Variants in AXDND1 observed in about 807,000 individuals in gnomAD.
AXDND1 encodes axonemal dynein light chain domain-containing protein 1.
In AXDND1, 110 loss-of-function variants were observed where a neutral mutation model predicts 137.5. The ratio of observed to expected loss-of-function variants is 0.80; its 90% CI spans 0.69 to 0.94. The LOEUF (loss-of-function observed/expected upper bound fraction) is 0.94, where lower values mean the gene tolerates loss of function less well. AXDND1 is among the 40% of genes least tolerant of loss of function. AXDND1 has a pLI of 0.00. For missense variants in AXDND1, 1,191 were observed against 1,169.8 expected (o/e 1.02, Z -0.26); for synonymous variants, 414 against 399.7 (o/e 1.04, Z -0.43).
intron 17 of AXDND1, among the ~76,000 whole-genome samples, chr1:179,482,556 C>A (rs1031497146): frequency 6.6e-6 from 1 of 152,078 alleles, no homozygotes; most frequent in Non-Finnish European, 1.5e-5. Context: ...GTTGCTGCCT[C>A]ACTGAGCTAA....
intron 21 of AXDND1, among the ~76,000 whole-genome samples, chr1:179,521,464 A>G (rs1184728209): frequency 6.6e-6 from 1 of 152,048 alleles, no homozygotes; most frequent in Non-Finnish European, 1.5e-5. Flanking sequence ...TTTTTTAATT[A>G]TATTGAATAA....
At chr1:179,392,043 G>A (rs4297245) in intron 9 of AXDND1, among the ~76,000 whole-genome samples, 115,296 of 152,092 alleles carry the variant, frequency 0.76, 43,939 homozygotes, top group Admixed American at 0.81. Context: ...TCCTTATAGC[G>A]CTGTGAGAAT....
In AXDND1 at chr1:179,479,475, C is replaced by CAAAA. The variant is rs55719902; in HGVS notation, c.1998-3643_1998-3640dup. On this transcript the variant is annotated intron_variant, in intron 17 of 25. Coordinates refer to ENST00000367618, the MANE Select transcript of AXDND1 (RefSeq NM_144696.6). ...GAGCAACAAGAGCGAAACTCTGTCTCAAAAAAAAAAAAAGGAAAAAGGCTG... is the reference window on the plus strand; with the variant it reads ...GAGCAACAAGAGCGAAACTCTGTCTCAAAAAAAAAAAAAAAAAGGAAAAAGGCTG... Among the ~76,000 whole-genome samples the CAAAA allele has an allele frequency of 8.5e-4, 113 of 133,602 alleles. 4 individuals are homozygous for CAAAA. Among genetic ancestry groups the CAAAA allele is most frequent in the African/African-American group, 2.2e-3 (78 of 34,912 alleles). 87.6% of individuals were successfully genotyped at this position (133,602 alleles called of 152,430 possible). A position where few individuals can be genotyped will look rare whatever the true frequency, so the allele number is the denominator to read the frequency against.
intron 25 of AXDND1, among the ~76,000 whole-genome samples, chr1:179,540,589 C>T (rs1410709637): frequency 1.3e-5 from 2 of 152,194 alleles, no homozygotes; most frequent in African/African-American, 4.8e-5. Context: ...GGGCACCTGC[C>T]AGATGCCAGC....
At chr1:179,419,486 C>G (rs980484862) in intron 12 of AXDND1, among the ~76,000 whole-genome samples, 1 of 149,136 alleles carries the variant, frequency 6.7e-6, no homozygotes, top group Admixed American at 6.7e-5. Context: ...TGGCGGCGTG[C>G]GCCTGCAATC....
At chr1:179,447,626 C>T (rs192350576) in intron 16 of AXDND1, 10 of 1,251,372 alleles carry the variant, frequency 8.0e-6, no homozygotes, top group African/African-American at 4.4e-5. Flanking sequence ...TTGCTTGAAG[C>T]GGGGATGACA....
chr1:179,448,170 C>T (rs983721663), intron 16 of AXDND1: 11 of 915,206 alleles, frequency 1.2e-5, no homozygotes, highest in Admixed American at 1.7e-5. Flanking sequence ...GCTGTCGCAC[C>T]CTCTGTGTTC....
chr1:179,528,205 G>T, intron 22 of AXDND1, 122 bp from the exon 23 acceptor site: 2 of 661,206 alleles, frequency 3.0e-6, no homozygotes, highest in East Asian at 2.7e-5. Context: ...CTTGTTGTGT[G>T]ATTAAAGGAA....
chr1:179,489,920 A>G (rs1255700433), intron 18 of AXDND1, among the ~76,000 whole-genome samples: 2 of 151,806 alleles, frequency 1.3e-5, no homozygotes. Flanking sequence ...AATTTTTTGT[A>G]TTTTTAGTAG....
chr1:179,433,899 C>T (rs1169941465), intron 15 of AXDND1, among the ~76,000 whole-genome samples: 10 of 152,102 alleles, frequency 6.6e-5, no homozygotes, highest in South Asian at 2.1e-4. Flanking sequence ...AGTTCAAGTC[C>T]GAAATATCCT....
At chr1:179,367,967 C>T (rs1022102668) in intron 2 of AXDND1, among the ~76,000 whole-genome samples, 1 of 149,258 alleles carries the variant, frequency 6.7e-6, no homozygotes, top group Non-Finnish European at 1.5e-5. Flanking sequence ...CAAGCCCCAC[C>T]CAACTTTTTT....
At chr1:179,415,351 A>G (rs918743924) in intron 12 of AXDND1, among the ~76,000 whole-genome samples, 2 of 152,180 alleles carry the variant, frequency 1.3e-5, no homozygotes, top group East Asian at 3.8e-4. Context: ...CAAAAAACAA[A>G]ACAAAACAAA....
Position 179,370,682 on chromosome 1 carries a change from A to T in AXDND1, c.374+604A>T, listed in dbSNP as rs761200239. ...ATTGAGACCTGCTAGTTTTCTATGT[A>T]TTGTCCACTTATCAATTTACTCCAT... On this transcript the variant is annotated intron_variant, in intron 4 of 25. Transcript: ENST00000367618. Among the ~76,000 whole-genome samples, 30 of 152,302 alleles carry T rather than the reference A, an allele frequency of 2.0e-4. 1 individual carries two copies. The highest frequency in any genetic ancestry group is 6.8e-3 in the Middle Eastern group (2 of 292).
intron 12 of AXDND1, among the ~76,000 whole-genome samples, chr1:179,423,771 G>A (rs1656133803): frequency 1.3e-5 from 2 of 152,032 alleles, no homozygotes; most frequent in African/African-American, 2.4e-5. Flanking sequence ...TTAGTTATTT[G>A]CATTTACATA....
intron 20 of AXDND1, among the ~76,000 whole-genome samples, chr1:179,507,660 A>G (rs900182051): frequency 1.1e-4 from 17 of 152,252 alleles, no homozygotes; most frequent in African/African-American, 4.1e-4. Flanking sequence ...TGTTTTCACC[A>G]TGGAAATCAG....
At chr1:179,472,061 AT>A (rs1229134847) in intron 17 of AXDND1, among the ~76,000 whole-genome samples, 68 of 151,856 alleles carry the variant, frequency 4.5e-4, no homozygotes, top group Non-Finnish European at 1.3e-4. Context: ...CGCCTGGCTA[AT>A]TTTTTTGTAT....
At chr1:179,548,061 CAGGAGACCATATGTGCA>C (rs1405299422) in intron 25 of AXDND1, among the ~76,000 whole-genome samples, 1 of 152,076 alleles carries the variant, frequency 6.6e-6, no homozygotes, top group African/African-American at 2.4e-5. Flanking sequence ...GAATCAAAAA[CAGGAGACCATATGTGCA>C]AGTTTTAAAG....
chr1:179,518,316 A>T (rs923966097), intron 21 of AXDND1, among the ~76,000 whole-genome samples: 1 of 150,876 alleles, frequency 6.6e-6, no homozygotes, highest in Non-Finnish European at 1.5e-5. Flanking sequence ...TTTTCTATTG[A>T]TCTGTCTATT....
chr1:179,505,696 T>C (rs2125629205), intron 20 of AXDND1, among the ~76,000 whole-genome samples: 1 of 152,008 alleles, frequency 6.6e-6, no homozygotes, highest in Admixed American at 6.6e-5. Context: ...GAAGATCTCC[T>C]AGGTAACCAT....
Sources: allele counts gnomAD v4.1 joint callset (sites outside exome capture counted in the v4.1 genomes callset), GRCh38; gene constraint gnomAD v4.1.1; transcripts MANE v1.5; gene names NCBI Gene and HGNC (gene_info 2026-07-23, HGNC 2026-07-21).